The following CRHR1 variants were observed in gnomAD, a reference collection of about 807,000 sequenced individuals.
The protein encoded by CRHR1 is corticotropin releasing hormone receptor 1, also known as corticotropin-releasing hormone receptor 1.
A neutral mutation model predicts 56.0 loss-of-function variants in CRHR1; 28 were observed. The ratio of observed to expected loss-of-function variants is 0.50; its 90% CI spans 0.37 to 0.69. CRHR1 has a LOEUF of 0.69. Among genes scored for constraint, CRHR1 ranks in the 30% least tolerant of loss-of-function variants. The pLI is 0.00. For missense variants in CRHR1, 376 were observed against 548.0 expected (o/e 0.69, Z 3.13); for synonymous variants, 195 against 216.5 (o/e 0.90, Z 0.87).
rs899983592 is a variant in CRHR1, at chr17:45,797,283, CTTTTTTT to C, written c.34-9708_34-9702del. ...TGCTGTTTTTTCTTTTTCTTTCTTT[CTTTTTTT>C]TTTTTTTTTTTTTTTTTTGAGACGG... On this transcript the variant is annotated intron_variant, in intron 1 of 12. Coordinates refer to ENST00000314537, the MANE Select transcript of CRHR1 (RefSeq NM_004382.5). Among the ~76,000 whole-genome samples the C allele has an allele frequency of 1.9e-4, 18 of 94,918 alleles. 1 individual carries two copies. Among genetic ancestry groups the C allele is most frequent in the Non-Finnish European group, 2.9e-4 (15 of 51,388 alleles). The allele number at this position is 94,918 out of a possible 152,430, so 62.3% of individuals were successfully genotyped here. A position where few individuals can be genotyped will look rare whatever the true frequency, so the allele number is the denominator to read the frequency against.
At chr17:45,806,603 C>G (rs1284116104) in intron 1 of CRHR1, among the ~76,000 whole-genome samples, 8 of 152,098 alleles carry the variant, frequency 5.3e-5, no homozygotes. Context: ...GTCAGCGGGC[C>G]GGTGGGAGGG....
intron 3 of CRHR1, among the ~76,000 whole-genome samples, chr17:45,817,030 G>T (rs536968084): frequency 5.9e-5 from 9 of 152,164 alleles, no homozygotes; most frequent in Admixed American, 5.9e-4. Context: ...GGCCTACCCC[G>T]GGCCCTCCAG....
At chr17:45,834,191 C>T (rs1418679173) in intron 12 of CRHR1, 143 bp downstream of exon 12, 13 of 1,061,126 alleles carry the variant, frequency 1.2e-5, no homozygotes, top group East Asian at 4.8e-5. Context: ...CTGCTGGGAG[C>T]CCCAGGGTGG....
intron 1 of CRHR1, among the ~76,000 whole-genome samples, chr17:45,806,238 C>A (rs1353714513): frequency 6.6e-6 from 1 of 152,216 alleles, no homozygotes; most frequent in African/African-American, 2.4e-5. Flanking sequence ...TATGCCACTC[C>A]CTTCCCAACT....
chr17:45,802,072 C>A (rs1213266331), intron 1 of CRHR1, among the ~76,000 whole-genome samples: 1 of 151,820 alleles, frequency 6.6e-6, no homozygotes, highest in Non-Finnish European at 1.5e-5. Flanking sequence ...CTCCTGTAAT[C>A]CCAGCACTTT....
intron 7 of CRHR1, 117 bp downstream of exon 7, chr17:45,830,687 T>C: frequency 7.3e-7 from 1 of 1,368,168 alleles, no homozygotes; most frequent in South Asian, 1.4e-5. Context: ...GTTGGGGCGG[T>C]AAGGTGTGCA....
intron 1 of CRHR1, chr17:45,799,705 G>A (rs1192127152): frequency 6.6e-6 from 1 of 152,194 alleles, no homozygotes; most frequent in Non-Finnish European, 1.5e-5. Context: ...CCGAGTCAGG[G>A]TCCGCCAGAG....
intron 1 of CRHR1, among the ~76,000 whole-genome samples, chr17:45,803,851 T>C (rs1212521170): frequency 6.6e-6 from 1 of 151,056 alleles, no homozygotes; most frequent in African/African-American, 2.4e-5. Context: ...AAACGAGGAG[T>C]GATGATTTCT....
chr17:45,803,847 G>A (rs1310162337), intron 1 of CRHR1, among the ~76,000 whole-genome samples: 1 of 152,142 alleles, frequency 6.6e-6, no homozygotes, highest in African/African-American at 2.4e-5. Flanking sequence ...TGGGAAACGA[G>A]GAGTGATGAT....
chr17:45,792,499 T>C (rs1164948684), intron 1 of CRHR1, among the ~76,000 whole-genome samples: 2 of 152,122 alleles, frequency 1.3e-5, no homozygotes, highest in Non-Finnish European at 2.9e-5. Context: ...AGTCGCACTG[T>C]TCTCCTTCCT....
intron 1 of CRHR1, among the ~76,000 whole-genome samples, chr17:45,793,291 G>A (rs919483520): frequency 3.3e-5 from 5 of 152,244 alleles, no homozygotes; most frequent in African/African-American, 7.2e-5. Flanking sequence ...CTTCATGAGC[G>A]GTTCTGGACA....
At chr17:45,791,911 T>G (rs4792882) in intron 1 of CRHR1, among the ~76,000 whole-genome samples, 2,056 of 150,626 alleles carry the variant, frequency 0.014, 29 homozygotes, top group Non-Finnish European at 0.024. Flanking sequence ...AGTGAGCTAC[T>G]TTGCAGTGTT....
chr17:45,820,657 C>A (rs1451142995), intron 3 of CRHR1, among the ~76,000 whole-genome samples: 1 of 152,202 alleles, frequency 6.6e-6, no homozygotes, highest in African/African-American at 2.4e-5. Context: ...TCTCCCCACA[C>A]ACGCCTGTCA....
chr17:45,807,766 C>T (rs921831956), intron 2 of CRHR1, among the ~76,000 whole-genome samples: 1 of 152,186 alleles, frequency 6.6e-6, no homozygotes, highest in Non-Finnish European at 1.5e-5. Context: ...TGTCACTTTA[C>T]CATTTACAGA....
Position 45,830,158 on chromosome 17 carries a change from G to A in CRHR1, c.499G>A (p.Ala167Thr), listed in dbSNP as rs779953398. The A allele has an allele frequency of 8.1e-6, 13 of 1,613,982 alleles. No individual in the cohort carries two copies. Among genetic ancestry groups the A allele is most frequent in the Admixed American group, 5.0e-5 (3 of 59,996 alleles). Residue 167 changes from alanine (A) to threonine (T), a missense_variant, in exon 6 of 13, where the codon GCC becomes ACC. Around this residue, in one of 2 missense-constraint regions of CRHR1, gnomAD observed 369 missense variants for 519.5 expected, o/e 0.71. Coordinates refer to ENST00000314537, the MANE Select transcript of CRHR1 (RefSeq NM_004382.5). Reference protein sequence around the residue: ...NLISAFILRNATWFVVQLTMS... With the variant: ...NLISAFILRNTTWFVVQLTMS... ...CATCTCCGCCTTCATCCTGCGCAAC[G>A]CCACCTGGTTCGTGGTCCAGCTAAC...
chr17:45,810,821 C>G (rs2061808706), intron 2 of CRHR1, among the ~76,000 whole-genome samples: 1 of 152,362 alleles, frequency 6.6e-6, no homozygotes, highest in East Asian at 1.9e-4. Flanking sequence ...GAAGGCAGCT[C>G]AGCCATGAGG....
At chr17:45,825,054 C>A (rs2062127626) in intron 4 of CRHR1, among the ~76,000 whole-genome samples, 1 of 152,212 alleles carries the variant, frequency 6.6e-6, no homozygotes, top group Admixed American at 6.5e-5. Flanking sequence ...CAGCCCCCAG[C>A]CTCGCCAGAC....
At position 45,793,865 on chromosome 17, in the gene CRHR1, T is replaced by C. The variant is rs2061470238; in HGVS notation, c.33+9288T>C. Among the ~76,000 whole-genome samples the C allele has an allele frequency of 1.3e-5, 2 of 152,202 alleles. 1 individual carries two copies. Among genetic ancestry groups the C allele is most frequent in the South Asian group, 4.1e-4 (2 of 4,826 alleles). ...CTCTGGACCCTTGTGTCCTCTTTAC[T>C]GGACCGACCACAATGCAGAATGAAA... is the stretch of plus-strand genomic sequence containing the variant. On this transcript the variant is annotated intron_variant, in intron 1 of 12. Coordinates refer to ENST00000314537, the MANE Select transcript of CRHR1 (RefSeq NM_004382.5).
rs754362644 is a variant in CRHR1 at position 45,829,241 on chromosome 17, C to T, written c.354C>T (p.Val118=). Residue 118 remains valine (V), a synonymous_variant, in exon 5 of 13, where the codon GTC becomes GTT. Coordinates refer to ENST00000314537, the MANE Select transcript of CRHR1 (RefSeq NM_004382.5). ...EEKKSKVHYH[V]AVIINYLGHC... The stretch of plus-strand genomic sequence containing the variant: ...AAAAAAGCAAGGTGCACTACCATGT[C>T]GCAGTCATCATCAACTACCTGGGCC... 24 of 1,613,960 alleles carry T rather than the reference C, an allele frequency of 1.5e-5. No homozygotes were observed. The highest frequency in any genetic ancestry group is 3.3e-4 in the Middle Eastern group (2 of 6,084).
Sources: gnomAD v4.1 joint callset for allele counts (sites outside exome capture counted in the v4.1 genomes callset) on GRCh38, gnomAD v4.1.1 for gene constraint, gnomAD v4.1.1 regional missense constraint, MANE v1.5 for transcripts, NCBI Gene and HGNC (gene_info 2026-07-23, HGNC 2026-07-21) for gene names.